CAMKMT: variants seen among roughly 807,000 people sequenced by gnomAD.
CAMKMT encodes calmodulin-lysine N-methyltransferase.
A neutral mutation model predicts 48.0 loss-of-function variants in CAMKMT; 53 were observed. That is an observed-to-expected ratio of 1.10 (90% CI 0.89 to 1.39). CAMKMT has a LOEUF of 1.39. Ranked by LOEUF, CAMKMT falls within the 40% of genes most tolerant of loss-of-function variation. The pLI, the probability that CAMKMT is intolerant of heterozygous loss-of-function variation, is 0.00. For missense variants in CAMKMT, 428 were observed against 402.7 expected (o/e 1.06, Z -0.54); for synonymous variants, 165 against 152.3 (o/e 1.08, Z -0.61).
At chr2:44,588,807 C>T (rs1214297497) in intron 3 of CAMKMT, among the ~76,000 whole-genome samples, 1 of 41,500 alleles carries the variant, frequency 2.4e-5, no homozygotes, top group Non-Finnish European at 5.1e-5. Flanking sequence ...CCAGCCGCCC[C>T]GTCCGGGAGG....
intron 3 of CAMKMT, among the ~76,000 whole-genome samples, chr2:44,559,018 C>G (rs576982254): frequency 6.6e-6 from 1 of 152,014 alleles, no homozygotes; most frequent in African/African-American, 2.4e-5. Context: ...AACAGACAGA[C>G]ATTATCTGTC....
chr2:44,691,480 C>T lies in CAMKMT; in HGVS notation c.377-12803C>T, dbSNP rs575039147. Among the ~76,000 whole-genome samples the T allele has an allele frequency of 5.3e-5, 8 of 152,300 alleles. No homozygotes were observed. In the South Asian group the frequency reaches 1.5e-3, roughly 28 times the overall value. ...AAAATGGACATTTTAAATTTTAATG[C>T]ATTTTTAATCAAATCACACCCATAA... On this transcript the variant is annotated intron_variant, in intron 3 of 10. Transcript: ENST00000378494.
At chr2:44,484,812 A>C (rs866782543) in intron 3 of CAMKMT, among the ~76,000 whole-genome samples, 4 of 152,102 alleles carry the variant, frequency 2.6e-5, no homozygotes, top group Non-Finnish European at 5.9e-5. Flanking sequence ...AGGAGGCGGT[A>C]TTTGAAATGC....
intron 1 of CAMKMT, among the ~76,000 whole-genome samples, chr2:44,363,157 T>A (rs1276001817): frequency 6.6e-6 from 1 of 152,208 alleles, no homozygotes; most frequent in East Asian, 1.9e-4. Context: ...ATCATCAGAG[T>A]TAATTAAGAT....
chr2:44,429,693 C>T (rs1432962024), intron 3 of CAMKMT, among the ~76,000 whole-genome samples: 4 of 147,796 alleles, frequency 2.7e-5, no homozygotes, highest in Admixed American at 2.1e-4. Context: ...CCCAGCTACT[C>T]GGGAGGCTGA....
intron 3 of CAMKMT, among the ~76,000 whole-genome samples, chr2:44,433,904 T>A (rs1178033302): frequency 6.6e-6 from 1 of 152,216 alleles, no homozygotes; most frequent in East Asian, 1.9e-4. Flanking sequence ...TACATTCATC[T>A]GTCTGGTGGT....
At chr2:44,724,597 G>A (rs769591236) in intron 7 of CAMKMT, among the ~76,000 whole-genome samples, 7 of 152,138 alleles carry the variant, frequency 4.6e-5, no homozygotes, top group Non-Finnish European at 7.4e-5. Context: ...AACTGAAAGC[G>A]TGAGAGTGAA....
intron 3 of CAMKMT, among the ~76,000 whole-genome samples, chr2:44,603,756 C>T (rs1671132425): frequency 1.3e-5 from 2 of 152,138 alleles, no homozygotes; most frequent in Non-Finnish European, 2.9e-5. Context: ...ATTCCCCTGC[C>T]CCAGATTCTA....
chr2:44,526,114 T>C (rs1383013710), intron 3 of CAMKMT, among the ~76,000 whole-genome samples: 1 of 152,050 alleles, frequency 6.6e-6, no homozygotes, highest in Admixed American at 6.6e-5. Context: ...TTGGAAATCA[T>C]CATTCTCAGG....
intron 3 of CAMKMT, among the ~76,000 whole-genome samples, chr2:44,662,619 G>A (rs1463209283): frequency 6.6e-6 from 1 of 152,078 alleles, no homozygotes; most frequent in Non-Finnish European, 1.5e-5. Flanking sequence ...AGATATGGGG[G>A]TCTCACTTTG....
chr2:44,600,115 A>G (rs927344450), intron 3 of CAMKMT, among the ~76,000 whole-genome samples: 2 of 152,016 alleles, frequency 1.3e-5, no homozygotes, highest in Non-Finnish European at 2.9e-5. Context: ...TGAAATTTAC[A>G]TTTATCATTG....
At chr2:44,600,755 G>A (rs1305462126) in intron 3 of CAMKMT, among the ~76,000 whole-genome samples, 1 of 151,924 alleles carries the variant, frequency 6.6e-6, no homozygotes, top group Non-Finnish European at 1.5e-5. Flanking sequence ...ATAGTTTTTT[G>A]GTATCAAAAT....
intron 3 of CAMKMT, among the ~76,000 whole-genome samples, chr2:44,581,924 T>C (rs1669590131): frequency 6.6e-6 from 1 of 152,198 alleles, no homozygotes; most frequent in South Asian, 2.1e-4. Flanking sequence ...GCTTGAACCA[T>C]GGAGGCAGAG....
rs531604294 is a variant in CAMKMT at position 44,451,634 on chromosome 2, A to G, written c.376+61329A>G. 2.0e-5 allele frequency among the ~76,000 whole-genome samples: 3 copies of G among 152,032 alleles called. No individual in the cohort carries two copies. The South Asian group carries it at 6.2e-4, about 31-fold the overall frequency. ...TATCCTTAGCAGTTCTTTATTCAGTAAAGAGTTATCCTCTTTTTGCTATTC... is the reference window on the plus strand; with the variant it reads ...TATCCTTAGCAGTTCTTTATTCAGTGAAGAGTTATCCTCTTTTTGCTATTC... On this transcript the variant is annotated intron_variant, in intron 3 of 10. Transcript: ENST00000378494.
At chr2:44,518,160 CTT>C (rs890706502) in intron 3 of CAMKMT, among the ~76,000 whole-genome samples, 2 of 148,468 alleles carry the variant, frequency 1.3e-5, no homozygotes, top group Non-Finnish European at 3.0e-5. Flanking sequence ...AACAAAAACA[CTT>C]TTTTTTTTCA....
At chr2:44,511,090 C>G (rs698836) in intron 3 of CAMKMT, among the ~76,000 whole-genome samples, 14,014 of 152,244 alleles carry the variant, frequency 0.092, 1,044 homozygotes, top group Admixed American at 0.26. Context: ...ATCTGCCCGC[C>G]TCAGCCTCCC....
At chr2:44,526,601 G>C (rs1248179296) in intron 3 of CAMKMT, among the ~76,000 whole-genome samples, 1 of 152,162 alleles carries the variant, frequency 6.6e-6, no homozygotes, top group Non-Finnish European at 1.5e-5. Flanking sequence ...AGGGCAAGAG[G>C]ACGGATGCCC....
intron 3 of CAMKMT, among the ~76,000 whole-genome samples, chr2:44,503,280 C>T (rs1670095490): frequency 6.6e-6 from 1 of 151,994 alleles, no homozygotes; most frequent in Admixed American, 6.6e-5. Flanking sequence ...TTGTTAGAAA[C>T]TTTGCATATC....
intron 3 of CAMKMT, among the ~76,000 whole-genome samples, chr2:44,523,375 C>T (rs1344924094): frequency 6.6e-6 from 1 of 150,376 alleles, no homozygotes; most frequent in Non-Finnish European, 1.5e-5. Context: ...TCACTGCAAT[C>T]TCTGCCTCCC....
Sources: allele counts gnomAD v4.1 joint callset (sites outside exome capture counted in the v4.1 genomes callset), GRCh38; gene constraint gnomAD v4.1.1; transcripts MANE v1.5; gene names NCBI Gene and HGNC (gene_info 2026-07-23, HGNC 2026-07-21).